The following CYB5A variants were observed in gnomAD, a reference collection of about 807,000 sequenced individuals.
CYB5A encodes cytochrome b5 type A.
In CYB5A, 10 loss-of-function variants were observed where a neutral mutation model predicts 16.2. The observed-to-expected ratio is 0.62, with a 90% CI of 0.38 to 1.04. The LOEUF is 1.04. Ranked by LOEUF, CYB5A falls within the 50% of genes least tolerant of loss-of-function variation. The pLI is 0.01. For synonymous variants in CYB5A, 62 were observed against 57.0 expected (o/e 1.09, Z -0.40); for missense variants, 161 against 165.9 (o/e 0.97, Z 0.16).
Position 74,279,479 on chromosome 18 carries a change from G to A in CYB5A, c.129+12268C>T, listed in dbSNP as rs560727596. 1.4e-4 allele frequency among the ~76,000 whole-genome samples: 22 copies of A among 152,332 alleles called. No homozygotes were observed. The East Asian group carries it at 4.2e-3, about 29-fold the overall frequency. On this transcript the variant is annotated intron_variant, in intron 1 of 4. Coordinates refer to ENST00000340533, the MANE Select transcript of CYB5A (RefSeq NM_148923.4). The stretch of plus-strand genomic sequence containing the variant: ...CGGGAGGCAGAAGTTGCAGTGAGTT[G>A]AGATCGTGCCACTGCACTCCAGCCT...
chr18:74,286,682 C>T lies in CYB5A; in HGVS notation c.129+5065G>A, dbSNP rs551561048. ...TTTCCTAACCCCAGCCCAGTGCTTT[C>T]CCATGAATGCCCAGCGGGACAGGGT... On this transcript the variant is annotated intron_variant, in intron 1 of 4. Coordinates refer to ENST00000340533, the MANE Select transcript of CYB5A (RefSeq NM_148923.4). Among the ~76,000 whole-genome samples the T allele has an allele frequency of 3.3e-5, 5 of 152,324 alleles. No homozygotes were observed. In the East Asian group the frequency reaches 7.7e-4, roughly 23 times the overall value.
At chr18:74,253,947 G>A (rs1053555334) in intron 4 of CYB5A, among the ~76,000 whole-genome samples, 2 of 152,258 alleles carry the variant, frequency 1.3e-5, no homozygotes, top group Non-Finnish European at 2.9e-5. Flanking sequence ...GGGAGGCCAA[G>A]GCAGACGGAT....
intron 1 of CYB5A, among the ~76,000 whole-genome samples, chr18:74,272,975 T>C (rs1160514405): frequency 6.6e-6 from 1 of 152,164 alleles, no homozygotes; most frequent in East Asian, 1.9e-4. Flanking sequence ...TCCTTGTTTT[T>C]ACTATCATTA....
At position 74,274,716 on chromosome 18, in the gene CYB5A, G is replaced by C. The variant is rs182117857; in HGVS notation, c.130-11239C>G. ...TATATTTTTGGAATTGTCTTTGCCA[G>C]CTATATTCTTCAAATAACTAGGTCA... On this transcript the variant is annotated intron_variant, in intron 1 of 4. Coordinates refer to ENST00000340533, the MANE Select transcript of CYB5A (RefSeq NM_148923.4). Among the ~76,000 whole-genome samples the C allele has an allele frequency of 1.6e-4, 24 of 152,300 alleles. No homozygotes were observed. The East Asian group carries it at 3.9e-3, about 24-fold the overall frequency.
At position 74,252,494 on chromosome 18, in the gene CYB5A, T is replaced by C. The variant is rs1981804827; in HGVS notation, c.*1090A>G. 1.3e-5 allele frequency: 2 copies of C among 152,212 alleles called. No individual in the cohort carries two copies. Among genetic ancestry groups the C allele is most frequent in the African/African-American group, 2.4e-5 (1 of 41,454 alleles). The allele number at this position is 152,212 out of a possible 1,614,324, so 9.4% of individuals were successfully genotyped here. On this transcript the variant is annotated 3_prime_UTR_variant, in exon 5 of 5. Coordinates refer to ENST00000340533, the MANE Select transcript of CYB5A (RefSeq NM_148923.4). ...CTCCTTACAAATTAGAAAACCAGCCTTTCCTTAGAAGAGTTTACAAACAAT... is the reference window on the plus strand; with the variant it reads ...CTCCTTACAAATTAGAAAACCAGCCCTTCCTTAGAAGAGTTTACAAACAAT...
At chr18:74,257,414 T>C (rs1287624292) in intron 3 of CYB5A, 1 of 156,438 alleles carries the variant, frequency 6.4e-6, no homozygotes, top group Non-Finnish European at 1.4e-5. Flanking sequence ...TAAAGGAAGT[T>C]TGAATTACCA....
intron 1 of CYB5A, among the ~76,000 whole-genome samples, chr18:74,283,178 G>A (rs1453488045): frequency 1.3e-5 from 2 of 152,150 alleles, no homozygotes; most frequent in African/African-American, 4.8e-5. Flanking sequence ...GAGGGGATAT[G>A]GACCCGGAAG....
At chr18:74,267,934 G>A (rs1202026613) in intron 1 of CYB5A, among the ~76,000 whole-genome samples, 1 of 152,226 alleles carries the variant, frequency 6.6e-6, no homozygotes. Context: ...TCGCGGGTCA[G>A]TAAGGAGGAC....
chr18:74,267,441 G>A (rs1394230551), intron 1 of CYB5A, among the ~76,000 whole-genome samples: 1 of 152,150 alleles, frequency 6.6e-6, no homozygotes, highest in East Asian at 1.9e-4. Context: ...ACAGGCGTGA[G>A]CCACACATTT....
chr18:74,253,506 A>G lies in CYB5A; in HGVS notation c.*78T>C. The G allele has an allele frequency of 1.2e-6, 1 of 824,688 alleles. No homozygotes were observed. Among genetic ancestry groups the G allele is most frequent in the East Asian group, 2.5e-5 (1 of 39,938 alleles). The allele number at this position is 824,688 out of a possible 1,614,324, so 51.1% of individuals were successfully genotyped here. On this transcript the variant is annotated 3_prime_UTR_variant, in exon 5 of 5. Coordinates refer to ENST00000340533, the MANE Select transcript of CYB5A (RefSeq NM_148923.4). ...TTGTTTTCAAGTGAAGGTTTCTGTC[A>G]GTTGAAGTAGTTAGCAATGGCTTCT...
At chr18:74,277,618 C>G (rs1230387332) in intron 1 of CYB5A, among the ~76,000 whole-genome samples, 1 of 152,160 alleles carries the variant, frequency 6.6e-6, no homozygotes, top group Non-Finnish European at 1.5e-5. Context: ...GCATCAGGTG[C>G]AGGAGTCATG....
intron 1 of CYB5A, among the ~76,000 whole-genome samples, chr18:74,273,259 T>A (rs1020309488): frequency 2.0e-5 from 3 of 152,190 alleles, no homozygotes; most frequent in Non-Finnish European, 2.9e-5. Flanking sequence ...AGGTCACCCC[T>A]CTGCCCAACA....
At chr18:74,287,225 A>G (rs1983354683) in intron 1 of CYB5A, among the ~76,000 whole-genome samples, 1 of 152,256 alleles carries the variant, frequency 6.6e-6, no homozygotes. Context: ...CATCAAAGGC[A>G]TATTTGCCAA....
intron 1 of CYB5A, 94 bp downstream of exon 1, chr18:74,291,653 T>A: frequency 1.3e-6 from 2 of 1,578,616 alleles, no homozygotes; most frequent in South Asian, 2.2e-5. Context: ...GGCGTAGGTA[T>A]GCGGACTCCG....
intron 1 of CYB5A, among the ~76,000 whole-genome samples, chr18:74,273,622 C>T (rs535477050): frequency 6.6e-6 from 1 of 152,230 alleles, no homozygotes; most frequent in East Asian, 1.9e-4. Context: ...GGCCTAGCCA[C>T]GGCCCTGGCC....
At chr18:74,272,791 G>A (rs1239491949) in intron 1 of CYB5A, among the ~76,000 whole-genome samples, 2 of 150,670 alleles carry the variant, frequency 1.3e-5, no homozygotes, top group Admixed American at 6.6e-5. Context: ...GTGTAGTGGT[G>A]GGCGCCTGTA....
In CYB5A at chr18:74,262,171, G is replaced by A. The variant is rs1982228811; in HGVS notation, c.258+1178C>T. Among the ~76,000 whole-genome samples the A allele has an allele frequency of 2.0e-5, 3 of 152,142 alleles. No homozygotes were observed. In the South Asian group the frequency reaches 6.2e-4, roughly 32 times the overall value. ...CAGTGTTTATAGAAAAGCCAAATTAGGACTAGGTGCGGTGACTCACACCTG... is the reference window on the plus strand; with the variant it reads ...CAGTGTTTATAGAAAAGCCAAATTAAGACTAGGTGCGGTGACTCACACCTG... On this transcript the variant is annotated intron_variant, in intron 2 of 4. Transcript: ENST00000340533.
At chr18:74,285,876 A>G (rs1417897174) in intron 1 of CYB5A, among the ~76,000 whole-genome samples, 1 of 151,562 alleles carries the variant, frequency 6.6e-6, no homozygotes, top group Non-Finnish European at 1.5e-5. Context: ...GTAGAAGTGT[A>G]CATCCTTTCA....
intron 1 of CYB5A, among the ~76,000 whole-genome samples, chr18:74,279,282 C>T (rs544282041): frequency 5.9e-5 from 9 of 152,372 alleles, no homozygotes; most frequent in African/African-American, 2.2e-4. Context: ...AACCCCAGCA[C>T]TCTGGGAGGC....
Sources: gnomAD v4.1 joint callset for allele counts (sites outside exome capture counted in the v4.1 genomes callset) on GRCh38, gnomAD v4.1.1 for gene constraint, MANE v1.5 for transcripts, NCBI Gene and HGNC (gene_info 2026-07-23, HGNC 2026-07-21) for gene names.